Variants in VANGL1 observed in about 807,000 individuals in gnomAD.
The protein encoded by VANGL1 is vang-like protein 1.
VANGL1 carries 18 observed loss-of-function variants against 48.4 expected under a neutral mutation model. The observed-to-expected ratio is 0.37, with a 90% CI of 0.26 to 0.55. VANGL1 has a LOEUF of 0.55. VANGL1 is among the 20% of genes least tolerant of loss of function. The probability of loss-of-function intolerance (pLI) is 0.81; values close to 1 mark genes in which losing one functional copy is unlikely to be tolerated. For missense variants in VANGL1, 667 were observed against 675.8 expected, an observed-to-expected ratio of 0.99 and a Z score of 0.14; for synonymous variants, 257 against 261.8, an observed-to-expected ratio of 0.98 and a Z score of 0.18.
intron 2 of VANGL1, among the ~76,000 whole-genome samples, chr1:115,655,929 A>G (rs967551804): frequency 2.6e-5 from 4 of 152,260 alleles, no homozygotes; most frequent in African/African-American, 4.8e-5. Flanking sequence ...GAGTGTCACT[A>G]TGAAGTCCTG....
intron 2 of VANGL1, among the ~76,000 whole-genome samples, chr1:115,655,290 T>G (rs1652302429): frequency 6.6e-6 from 1 of 152,164 alleles, no homozygotes; most frequent in African/African-American, 2.4e-5. Flanking sequence ...CTAAATAATC[T>G]TCCCAGGAAA....
Position 115,689,060 on chromosome 1 carries a change from G to A in VANGL1, c.1315-2059G>A, listed in dbSNP as rs1477836819. The stretch of plus-strand genomic sequence containing the variant: ...CCTGCTTCAACCTCCCAAAGTTCTG[G>A]GATTACAGGCATGAGCCACTGCGCC... On this transcript the variant is annotated intron_variant, in intron 7 of 7. Transcript: ENST00000355485. Among the ~76,000 whole-genome samples the A allele has an allele frequency of 1.5e-4, 20 of 136,450 alleles. 5 individuals carry two copies. Among genetic ancestry groups the A allele is most frequent in the Non-Finnish European group, 2.7e-4 (17 of 62,794 alleles). The allele number at this position is 136,450 out of a possible 152,430, so 89.5% of individuals were successfully genotyped here. A position where few individuals can be genotyped will look rare whatever the true frequency, so the allele number is the denominator to read the frequency against.
chr1:115,646,350 A>G (rs3010380), intron 1 of VANGL1, among the ~76,000 whole-genome samples: 61,289 of 151,818 alleles, frequency 0.4, 16,631 homozygotes, highest in African/African-American at 0.78. Context: ...GTGCCAAGCA[A>G]TACACTCTTA....
chr1:115,681,726 C>G (rs1485201811), intron 4 of VANGL1, among the ~76,000 whole-genome samples: 1 of 152,088 alleles, frequency 6.6e-6, no homozygotes, highest in Non-Finnish European at 1.5e-5. Context: ...AGGCTGGTCT[C>G]AAACTCCTGA....
rs1654044540 is a variant in VANGL1 at position 115,696,726 on chromosome 1, T to G, written c.*5347T>G. The G allele has an allele frequency of 6.6e-6, 1 of 152,118 alleles. No homozygotes were observed. Among genetic ancestry groups the G allele is most frequent in the African/African-American group, 2.4e-5 (1 of 41,458 alleles). The allele number at this position is 152,118 out of a possible 1,614,324, so 9.4% of individuals were successfully genotyped here. A position where few individuals can be genotyped will look rare whatever the true frequency, so the allele number is the denominator to read the frequency against. ...GAAATAAGCCTCTTTAGTGGGTTGT[T>G]TTAGTCTCTCCAACAAAAGAGCAGA... On this transcript the variant is annotated 3_prime_UTR_variant, in exon 8 of 8. Coordinates refer to ENST00000355485, the MANE Select transcript of VANGL1 (RefSeq NM_138959.3).
At chr1:115,653,599 G>A (rs1245477417) in intron 2 of VANGL1, among the ~76,000 whole-genome samples, 1 of 152,122 alleles carries the variant, frequency 6.6e-6, no homozygotes, top group East Asian at 1.9e-4. Context: ...CTACACTCGA[G>A]TTCTGACTTT....
Position 115,695,308 on chromosome 1 carries a change from T to C in VANGL1, c.*3929T>C, listed in dbSNP as rs1653994526. The stretch of plus-strand genomic sequence containing the variant: ...GTTAGCATATTTATTTAAATAGTCC[T>C]GCAGCAGAGACCCTGCGATTGTAAA... On this transcript the variant is annotated 3_prime_UTR_variant, in exon 8 of 8. Transcript: ENST00000355485. 6.6e-6 allele frequency: 1 copy of C among 152,664 alleles called. No homozygotes were observed. The highest frequency in any genetic ancestry group is 2.1e-4 in the South Asian group (1 of 4,836). 9.5% of individuals were successfully genotyped at this position (152,664 alleles called of 1,614,324 possible). A position where few individuals can be genotyped will look rare whatever the true frequency, so the allele number is the denominator to read the frequency against.
intron 2 of VANGL1, 35 bp downstream of exon 2, chr1:115,651,519 T>G: frequency 6.3e-7 from 1 of 1,596,108 alleles, no homozygotes; most frequent in Non-Finnish European, 8.6e-7. Flanking sequence ...CTTTTCCTTT[T>G]GGGGAAACCT....
intron 4 of VANGL1, among the ~76,000 whole-genome samples, chr1:115,668,823 G>A (rs1652879059): frequency 6.6e-6 from 1 of 152,110 alleles, no homozygotes; most frequent in East Asian, 1.9e-4. Flanking sequence ...GGCAGCTCAG[G>A]GCTCCCAGGA....
rs73007421 is a variant in VANGL1 at position 115,650,033 on chromosome 1, G to A, written c.-137-1244G>A. ...GGAAGTGATCGTACCTGACTCCCAGGAAGAATGAATGGTAAGGGTAAATAC... is the reference window on the plus strand; with the variant it reads ...GGAAGTGATCGTACCTGACTCCCAGAAAGAATGAATGGTAAGGGTAAATAC... On this transcript the variant is annotated intron_variant, in intron 1 of 7. Transcript: ENST00000355485. 6.0e-3 allele frequency among the ~76,000 whole-genome samples: 914 copies of A among 152,280 alleles called. 11 individuals carry two copies. The highest frequency in any genetic ancestry group is 0.021 in the African/African-American group (868 of 41,548).
chr1:115,655,039 A>G (rs1050300141), intron 2 of VANGL1, among the ~76,000 whole-genome samples: 5 of 152,230 alleles, frequency 3.3e-5, no homozygotes, highest in African/African-American at 1.2e-4. Flanking sequence ...TAAAATGCAC[A>G]AAAAGAGGGC....
At chr1:115,677,843 CAG>C (rs988497713) in intron 4 of VANGL1, among the ~76,000 whole-genome samples, 5 of 152,314 alleles carry the variant, frequency 3.3e-5, no homozygotes, top group South Asian at 2.1e-4. Context: ...ATGGTGATAA[CAG>C]AGGGGGCAAG....
At chr1:115,659,929 G>A (rs769147176) in intron 3 of VANGL1, among the ~76,000 whole-genome samples, 156 bp downstream of exon 3, 1 of 152,196 alleles carries the variant, frequency 6.6e-6, no homozygotes, top group African/African-American at 2.4e-5. Context: ...TCTAAGGACA[G>A]CCTGTCCTGC....
intron 4 of VANGL1, among the ~76,000 whole-genome samples, chr1:115,676,006 C>T (rs528330674): frequency 1.3e-4 from 20 of 152,184 alleles, no homozygotes; most frequent in East Asian, 3.9e-4. Context: ...ACCCCATCAC[C>T]GCTGCAAAAT....
intron 4 of VANGL1, among the ~76,000 whole-genome samples, chr1:115,673,706 T>C (rs1325791708): frequency 6.6e-6 from 1 of 151,156 alleles, no homozygotes; most frequent in Non-Finnish European, 1.5e-5. Flanking sequence ...TTCAAGCAAT[T>C]CTCCTGCCTC....
At chr1:115,677,564 C>G in intron 4 of VANGL1, among the ~76,000 whole-genome samples, 1 of 152,262 alleles carries the variant, frequency 6.6e-6, no homozygotes, top group Middle Eastern at 3.4e-3. Context: ...AGGTCTCAAG[C>G]GAATTTCTGT....
intron 5 of VANGL1, among the ~76,000 whole-genome samples, chr1:115,683,217 A>G (rs1232501107): frequency 6.6e-6 from 1 of 152,168 alleles, no homozygotes; most frequent in Non-Finnish European, 1.5e-5. Flanking sequence ...GGATTGATAA[A>G]TTTCACCTGT....
chr1:115,674,466 T>C (rs1653093369), intron 4 of VANGL1, among the ~76,000 whole-genome samples: 1 of 152,226 alleles, frequency 6.6e-6, no homozygotes, highest in South Asian at 2.1e-4. Context: ...TTTTTCTGAA[T>C]GTAGCATCCT....
At chr1:115,690,455 C>T (rs556276021) in intron 7 of VANGL1, among the ~76,000 whole-genome samples, 7 of 152,232 alleles carry the variant, frequency 4.6e-5, no homozygotes, top group African/African-American at 1.7e-4. Context: ...CTGGGCATCC[C>T]CTGGACTGGC....
Sources: gnomAD v4.1 joint callset for allele counts (sites outside exome capture counted in the v4.1 genomes callset) on GRCh38, gnomAD v4.1.1 for gene constraint, MANE v1.5 for transcripts, NCBI Gene and HGNC (gene_info 2026-07-23, HGNC 2026-07-21) for gene names.